The following CDKL2 variants were observed in gnomAD, a reference collection of about 807,000 sequenced individuals.
The protein encoded by CDKL2 is cyclin dependent kinase like 2, also known as cyclin-dependent kinase-like 2.
A neutral mutation model predicts 63.9 loss-of-function variants in CDKL2; 64 were observed. The observed-to-expected ratio is 1.00, with a 90% CI of 0.82 to 1.23. The LOEUF (loss-of-function observed/expected upper bound fraction) is 1.23. Among genes scored for constraint, CDKL2 ranks in the 50% most tolerant of loss-of-function variants. The pLI is 0.00. For synonymous variants in CDKL2, 211 were observed against 229.2 expected (o/e 0.92, Z 0.72); for missense variants, 656 against 668.0 (o/e 0.98, Z 0.20).
intron 12 of CDKL2, among the ~76,000 whole-genome samples, chr4:75,583,849 A>T (rs1190113591): frequency 1.3e-5 from 2 of 152,216 alleles, no homozygotes; most frequent in Admixed American, 1.3e-4. Flanking sequence ...TTGCCGAAAA[A>T]ATACTGAAAC....
Position 75,597,241 on chromosome 4 carries a change from T to C in CDKL2, c.1021-5A>G. On this transcript the variant is annotated splice_region_variant and splice_polypyrimidine_tract_variant and intron_variant, in intron 8 of 13. Coordinates refer to ENST00000307465, the MANE Select transcript of CDKL2 (RefSeq NM_001330724.2). ...TTTGGGATCAGCATTGGTATCCTGA[T>C]CATTAACAAAAATATTAATAAGGTT... 1 of 1,539,056 alleles carries C rather than the reference T, an allele frequency of 6.5e-7. No homozygotes were observed. Among genetic ancestry groups the C allele is most frequent in the Non-Finnish European group, 8.9e-7 (1 of 1,120,800 alleles).
intron 4 of CDKL2, among the ~76,000 whole-genome samples, chr4:75,605,965 C>T (rs1019378668): frequency 2.6e-5 from 4 of 152,140 alleles, no homozygotes; most frequent in Non-Finnish European, 5.9e-5. Context: ...TTTCCAGAAA[C>T]TTCAATCATG....
chr4:75,587,655 G>A (rs759051665), intron 12 of CDKL2, among the ~76,000 whole-genome samples: 1 of 152,100 alleles, frequency 6.6e-6, no homozygotes, highest in Non-Finnish European at 1.5e-5. Context: ...CACACTCCCA[G>A]CACTTTGGGA....
At chr4:75,627,676 ATAACAAAT>A (rs1251528725) in intron 1 of CDKL2, among the ~76,000 whole-genome samples, 7 of 151,764 alleles carry the variant, frequency 4.6e-5, no homozygotes, top group Admixed American at 2.6e-4. Flanking sequence ...ATTTGATCAC[ATAACAAAT>A]TAACACAGAG....
Position 75,597,022 on chromosome 4 carries a change from A to G in CDKL2, c.1235T>C (p.Ile412Thr). 1.2e-6 allele frequency: 2 copies of G among 1,614,168 alleles called. No homozygotes were observed. The highest frequency in any genetic ancestry group is 1.7e-6 in the Non-Finnish European group (2 of 1,180,008). Reference sequence around the variant, plus strand: ...AGAAAGATTGTGTGTAAGTGGGGGAATTGCCACGCTTGGATTCCTTGTGTG... The same window carrying G: ...AGAAAGATTGTGTGTAAGTGGGGGAGTTGCCACGCTTGGATTCCTTGTGTG... ...VDHTRNPSVA[I>T]PPLTHNLSAV... The change falls in exon 9 of 14, where the codon ATT becomes ACT. Residue 412 changes from isoleucine to threonine, a missense_variant. Ile to Thr is a moderately conservative substitution (Grantham distance 89). Coordinates refer to ENST00000307465, the MANE Select transcript of CDKL2 (RefSeq NM_001330724.2).
intron 3 of CDKL2, among the ~76,000 whole-genome samples, chr4:75,613,644 T>C (rs1232790127): frequency 6.6e-6 from 1 of 152,212 alleles, no homozygotes; most frequent in Non-Finnish European, 1.5e-5. Flanking sequence ...ATTCACACTT[T>C]GTAATTAGGC....
chr4:75,621,311 A>AC (rs1553931244), intron 2 of CDKL2, among the ~76,000 whole-genome samples: 4 of 147,134 alleles, frequency 2.7e-5, no homozygotes, highest in Admixed American at 6.9e-5. Context: ...AAAAAAAAAA[A>AC]CCCACACCTA....
At position 75,619,577 on chromosome 4, in the gene CDKL2, TAAAAAAAAAAA is replaced by T. The variant is rs71203836; in HGVS notation, c.169-5139_169-5129del. The stretch of plus-strand genomic sequence containing the variant: ...ACATGGTGATGGGCTCACAGCTGTA[TAAAAAAAAAAA>T]AAAAAAAAAAAAAAGCACACCAGAA... On this transcript the variant is annotated intron_variant, in intron 2 of 13. Transcript: ENST00000307465. Among the ~76,000 whole-genome samples the T allele has an allele frequency of 8.6e-3, 675 of 78,164 alleles. 14 individuals are homozygous for T. Among genetic ancestry groups the T allele is most frequent in the African/African-American group, 0.028 (651 of 23,068 alleles). 51.3% of individuals were successfully genotyped at this position (78,164 alleles called of 152,430 possible).
intron 2 of CDKL2, among the ~76,000 whole-genome samples, chr4:75,622,724 A>AG (rs1255420370): frequency 6.8e-6 from 1 of 147,590 alleles, no homozygotes; most frequent in Non-Finnish European, 1.5e-5. Flanking sequence ...TCAAAAAAAA[A>AG]AAAAAAAAAA....
At chr4:75,610,545 G>T (rs1729644945) in intron 3 of CDKL2, among the ~76,000 whole-genome samples, 1 of 151,964 alleles carries the variant, frequency 6.6e-6, no homozygotes, top group Admixed American at 6.6e-5. Flanking sequence ...AATAAATTAT[G>T]ATACCTAGTA....
At chr4:75,589,688 T>G (rs1728625615) in intron 12 of CDKL2, among the ~76,000 whole-genome samples, 2 of 152,124 alleles carry the variant, frequency 1.3e-5, no homozygotes, top group East Asian at 1.9e-4. Flanking sequence ...AAACTGTATA[T>G]TCACACACAA....
intron 6 of CDKL2, among the ~76,000 whole-genome samples, chr4:75,602,321 A>C (rs1258657690): frequency 2.6e-5 from 4 of 152,104 alleles, no homozygotes; most frequent in Non-Finnish European, 5.9e-5. Flanking sequence ...CGGGGGTTAC[A>C]GGCACGTGCC....
chr4:75,611,572 T>A (rs1179339497), intron 3 of CDKL2, among the ~76,000 whole-genome samples: 1 of 151,298 alleles, frequency 6.6e-6, no homozygotes, highest in East Asian at 1.9e-4. Flanking sequence ...TAGAGTGAGA[T>A]CAGTTCTCCA....
At chr4:75,621,139 T>C (rs1169984399) in intron 2 of CDKL2, among the ~76,000 whole-genome samples, 2 of 152,084 alleles carry the variant, frequency 1.3e-5, no homozygotes, top group Non-Finnish European at 2.9e-5. Context: ...TTTCACCACG[T>C]TGGCCAGGCT....
Position 75,596,995 on chromosome 4 carries a change from G to A in CDKL2, c.1262C>T (p.Ala421Val). ...AIPPLTHNLSAVAPSINSGMG... is the reference protein window; with the variant it reads ...AIPPLTHNLSVVAPSINSGMG... ...TCCAGAATTAATGCTGGGAGCAACT[G>A]CAGAAAGATTGTGTGTAAGTGGGGG... is the stretch of plus-strand genomic sequence containing the variant. The change falls in exon 9 of 14, where the codon GCA (alanine) becomes GTA (valine). Residue 421 changes from alanine to valine, a missense_variant. Ala to Val is a moderately conservative substitution (Grantham distance 64). Transcript: ENST00000307465. 2 of 1,614,192 alleles carry A rather than the reference G, an allele frequency of 1.2e-6. No individual in the cohort carries two copies. Among genetic ancestry groups the A allele is most frequent in the South Asian group, 1.1e-5 (1 of 91,082 alleles).
chr4:75,601,965 T>A (rs1453063450), intron 6 of CDKL2, among the ~76,000 whole-genome samples: 2 of 152,178 alleles, frequency 1.3e-5, no homozygotes, highest in African/African-American at 4.8e-5. Context: ...ATGAGAACTT[T>A]TTGAGCTAAA....
intron 3 of CDKL2, among the ~76,000 whole-genome samples, chr4:75,613,783 C>T (rs758256870): frequency 2.7e-4 from 41 of 152,152 alleles, no homozygotes; most frequent in Non-Finnish European, 5.0e-4. Flanking sequence ...GAGCCAGGCA[C>T]GGTGGCTCAT....
At chr4:75,622,869 A>G (rs1215254985) in intron 2 of CDKL2, among the ~76,000 whole-genome samples, 1 of 152,134 alleles carries the variant, frequency 6.6e-6, no homozygotes, top group Non-Finnish European at 1.5e-5. Flanking sequence ...GTGTTTATGA[A>G]CATTGGTAAA....
chr4:75,618,952 C>A (rs780218509), intron 2 of CDKL2, among the ~76,000 whole-genome samples: 18 of 152,344 alleles, frequency 1.2e-4, no homozygotes, highest in Middle Eastern at 3.4e-3. Context: ...GGACTGGGAG[C>A]ATCTCCATGT....
Sources: gnomAD v4.1 joint callset for allele counts (sites outside exome capture counted in the v4.1 genomes callset) on GRCh38, gnomAD v4.1.1 for gene constraint, MANE v1.5 for transcripts, NCBI Gene and HGNC (gene_info 2026-07-23, HGNC 2026-07-21) for gene names.